STYXL1: variants seen among roughly 807,000 people sequenced by gnomAD.
STYXL1 encodes the protein serine/threonine/tyrosine interacting like 1, also known as serine/threonine/tyrosine-interacting-like protein 1.
STYXL1 carries 32 observed loss-of-function variants against 36.4 expected under a neutral mutation model. The ratio of observed to expected loss-of-function variants is 0.88; its 90% CI spans 0.66 to 1.18. The LOEUF (loss-of-function observed/expected upper bound fraction) is 1.18, where lower values mean the gene tolerates loss of function less well. Ranked by LOEUF, STYXL1 falls within the 50% of genes most tolerant of loss-of-function variation. The pLI is 0.00. For missense variants in STYXL1, 354 were observed against 394.1 expected (o/e 0.90, Z 0.86); for synonymous variants, 133 against 144.1 (o/e 0.92, Z 0.55).
chr7:76,022,066 A>G, intron 3 of STYXL1, 74 bp from the exon 4 acceptor site: 4 of 1,563,264 alleles, frequency 2.6e-6, no homozygotes, highest in Non-Finnish European at 3.4e-6. Flanking sequence ...GACTCCCTGC[A>G]TAGCAGCACT....
chr7:76,044,794 C>T (rs1796789617), intron 1 of STYXL1: 1 of 152,238 alleles, frequency 6.6e-6, no homozygotes, highest in South Asian at 2.1e-4. Flanking sequence ...CGCCTGAGCT[C>T]AAGCGATTGT....
chr7:75,999,351 G>A (rs7807647), intron 8 of STYXL1, among the ~76,000 whole-genome samples: 83,710 of 152,026 alleles, frequency 0.55, 25,366 homozygotes, highest in Non-Finnish European at 0.7. Flanking sequence ...CCCACGGGGC[G>A]ATGAAGAGGG....
chr7:76,046,329 TGTGTGTGTGTGCGC>T (rs1460502080), intron 1 of STYXL1, among the ~76,000 whole-genome samples: 9 of 12,428 alleles, frequency 7.2e-4, no homozygotes, highest in East Asian at 2.3e-3. Flanking sequence ...TGTGTGTGTG[TGTGTGTGTGTGCGC>T]GCGCGCGCGC....
chr7:76,017,866 C>CAAAAAAAA lies in STYXL1; in HGVS notation c.307+3977_308-3980dup, dbSNP rs71082374. 8.7e-4 allele frequency among the ~76,000 whole-genome samples: 9 copies of CAAAAAAAA among 10,364 alleles called. 2 individuals carry two copies. In the South Asian group the frequency reaches 0.015, roughly 17 times the overall value. The allele number at this position is 10,364 out of a possible 152,430, so 6.8% of individuals were successfully genotyped here. A position where few individuals can be genotyped will look rare whatever the true frequency, so the allele number is the denominator to read the frequency against. On this transcript the variant is annotated intron_variant, in intron 4 of 8. Transcript: ENST00000359697. The stretch of plus-strand genomic sequence containing the variant: ...GGGCAACAAGAGCAAAACTCCATCT[C>CAAAAAAAA]AAAAAAAAAAAAAAAGGCAAGACAG...
intron 5 of STYXL1, among the ~76,000 whole-genome samples, chr7:76,013,146 G>A (rs1792785478): frequency 6.6e-6 from 1 of 152,052 alleles, no homozygotes; most frequent in Non-Finnish European, 1.5e-5. Flanking sequence ...CTAACAGGGT[G>A]AAACCCTGTC....
intron 8 of STYXL1, 25 bp from the exon 9 acceptor site, chr7:75,996,624 A>G (rs1258876656): frequency 6.2e-7 from 1 of 1,612,470 alleles, no homozygotes; most frequent in African/African-American, 1.3e-5. Flanking sequence ...AGAGAAAGTG[A>G]ACTTCACGAT....
chr7:76,028,774 G>A lies in STYXL1; in HGVS notation c.104-71C>T, dbSNP rs183993080. The A allele has an allele frequency of 8.1e-6, 11 of 1,359,106 alleles. No homozygotes were observed. The Admixed American group carries it at 1.2e-4, about 15-fold the overall frequency. The allele number at this position is 1,359,106 out of a possible 1,614,324, so 84.2% of individuals were successfully genotyped here. A position where few individuals can be genotyped will look rare whatever the true frequency, so the allele number is the denominator to read the frequency against. On this transcript the variant is annotated intron_variant, in intron 2 of 8. Transcript: ENST00000359697. Reference sequence around the variant, plus strand: ...CGACCAAACTACTCAGAGGACCTACGTCGTCATCAACGTCTATTTGTTTGG... The same window carrying A: ...CGACCAAACTACTCAGAGGACCTACATCGTCATCAACGTCTATTTGTTTGG...
chr7:76,035,494 T>C (rs537266844), intron 1 of STYXL1, among the ~76,000 whole-genome samples: 1 of 149,872 alleles, frequency 6.7e-6, no homozygotes, highest in South Asian at 2.2e-4. Context: ...GTGGAATGAA[T>C]ACATTATTGT....
At position 76,047,891 on chromosome 7, in the gene STYXL1, A is replaced by C. The variant is rs1585388715; in HGVS notation, c.-234T>G. ...CTCTTGGGTGCAGACTGGCCCTCCCACTCCGACCGCAGGTCCCCCACCGGC... is the reference window on the plus strand; with the variant it reads ...CTCTTGGGTGCAGACTGGCCCTCCCCCTCCGACCGCAGGTCCCCCACCGGC... On this transcript the variant is annotated 5_prime_UTR_variant, in exon 1 of 9. Coordinates refer to ENST00000359697, the MANE Select transcript of STYXL1 (RefSeq NM_001317785.2). 1 of 1,403,216 alleles carries C rather than the reference A, an allele frequency of 7.1e-7. No individual in the cohort carries two copies. Among genetic ancestry groups the C allele is most frequent in the Non-Finnish European group, 9.3e-7 (1 of 1,077,946 alleles). The allele number at this position is 1,403,216 out of a possible 1,614,324, so 86.9% of individuals were successfully genotyped here.
intron 5 of STYXL1, among the ~76,000 whole-genome samples, chr7:76,008,987 G>C (rs1792186962): frequency 6.6e-6 from 1 of 151,714 alleles, no homozygotes; most frequent in South Asian, 2.1e-4. Context: ...GGGCAACAGA[G>C]ATGCTATCTC....
intron 3 of STYXL1, among the ~76,000 whole-genome samples, chr7:76,024,883 A>C (rs1183040061): frequency 2.2e-5 from 3 of 137,650 alleles, no homozygotes; most frequent in African/African-American, 8.5e-5. Flanking sequence ...TGGGAAGCGG[A>C]GGTTGCAGTG....
chr7:76,002,309 C>T (rs1300889607), intron 7 of STYXL1, among the ~76,000 whole-genome samples: 4 of 152,150 alleles, frequency 2.6e-5, no homozygotes, highest in South Asian at 2.1e-4. Context: ...TGAGTCCTGC[C>T]CAGGGAGAGG....
At chr7:76,039,400 G>T (rs1046906334) in intron 1 of STYXL1, among the ~76,000 whole-genome samples, 5 of 152,048 alleles carry the variant, frequency 3.3e-5, no homozygotes, top group Non-Finnish European at 4.4e-5. Flanking sequence ...TAAGGGATTT[G>T]GTACAGTCTT....
chr7:76,029,765 TC>T (rs1795118618), intron 2 of STYXL1, among the ~76,000 whole-genome samples: 1 of 152,080 alleles, frequency 6.6e-6, no homozygotes, highest in Admixed American at 6.6e-5. Context: ...GCAACTTAGA[TC>T]CCTTGAATGC....
intron 4 of STYXL1, among the ~76,000 whole-genome samples, chr7:76,016,212 G>A (rs537335216): frequency 6.6e-6 from 1 of 151,290 alleles, no homozygotes; most frequent in South Asian, 2.1e-4. Context: ...ATATGTACAT[G>A]TATAGGGATA....
intron 1 of STYXL1, among the ~76,000 whole-genome samples, chr7:76,039,435 C>T (rs550146366): frequency 6.5e-4 from 99 of 152,296 alleles, no homozygotes; most frequent in African/African-American, 2.3e-3. Flanking sequence ...TTGACACATT[C>T]TCTGTGGCCT....
intron 3 of STYXL1, among the ~76,000 whole-genome samples, chr7:76,024,468 T>C (rs1317858853): frequency 6.6e-6 from 1 of 151,698 alleles, no homozygotes; most frequent in Non-Finnish European, 1.5e-5. Flanking sequence ...AAAATACAAG[T>C]TAGCTGGGTG....
chr7:76,016,346 G>A (rs1037490439), intron 4 of STYXL1, among the ~76,000 whole-genome samples: 4 of 149,280 alleles, frequency 2.7e-5, no homozygotes, highest in Non-Finnish European at 4.4e-5. Flanking sequence ...ATATATACAC[G>A]TATATCTATA....
At chr7:76,017,117 G>A (rs782018597) in intron 4 of STYXL1, among the ~76,000 whole-genome samples, 16 of 152,050 alleles carry the variant, frequency 1.1e-4, no homozygotes, top group Non-Finnish European at 1.6e-4. Flanking sequence ...CACCTCCCTG[G>A]GTTCAATCAA....
Sources: gnomAD v4.1 joint callset for allele counts (sites outside exome capture counted in the v4.1 genomes callset) on GRCh38, gnomAD v4.1.1 for gene constraint, MANE v1.5 for transcripts, NCBI Gene and HGNC (gene_info 2026-07-23, HGNC 2026-07-21) for gene names.